The following SEMA6D variants were observed in gnomAD, a reference collection of about 807,000 sequenced individuals.
SEMA6D encodes semaphorin-6D.
Under a neutral mutation model 106.6 loss-of-function variants are expected in SEMA6D, and 35 were observed. That is an observed-to-expected ratio of 0.33 (90% CI 0.25 to 0.44). The LOEUF is 0.44. Ranked by LOEUF, SEMA6D falls within the 20% of genes least tolerant of loss-of-function variation. The pLI, the probability that SEMA6D is intolerant of heterozygous loss-of-function variation, is 1.00. For missense variants in SEMA6D, 1,185 were observed against 1,345.9 expected, an observed-to-expected ratio of 0.88 and a Z score of 1.87; for synonymous variants, 499 against 487.7, an observed-to-expected ratio of 1.02 and a Z score of -0.31.
intron 4 of SEMA6D, among the ~76,000 whole-genome samples, chr15:47,682,790 G>T (rs944963509): frequency 1.1e-4 from 16 of 152,114 alleles, no homozygotes; most frequent in African/African-American, 3.9e-4. Flanking sequence ...TTTTTGAAAT[G>T]AGTTCATTTG....
chr15:47,732,906 A>G (rs1490366622), intron 1 of SEMA6D, among the ~76,000 whole-genome samples: 1 of 152,208 alleles, frequency 6.6e-6, no homozygotes, highest in Non-Finnish European at 1.5e-5. Flanking sequence ...CTTCTTTTAA[A>G]TGAGAAATAA....
At chr15:47,360,230 T>A (rs933448754) in intron 1 of SEMA6D, 1 of 152,224 alleles carries the variant, frequency 6.6e-6, no homozygotes, top group Admixed American at 6.5e-5. Context: ...TATTCCAGAT[T>A]GCTTCTGACA....
chr15:47,679,423 T>A (rs1276274989), intron 4 of SEMA6D, among the ~76,000 whole-genome samples: 1 of 152,166 alleles, frequency 6.6e-6, no homozygotes, highest in African/African-American at 2.4e-5. Context: ...TAAAAAAAAG[T>A]ACTTCTTTGG....
At chr15:47,275,025 T>C (rs75416537) in intron 1 of SEMA6D, 1 of 152,292 alleles carries the variant, frequency 6.6e-6, no homozygotes, top group African/African-American at 2.4e-5. Flanking sequence ...AGATTACATA[T>C]GCTGGATGCA....
chr15:47,577,191 T>C (rs2076170356), intron 3 of SEMA6D, among the ~76,000 whole-genome samples: 1 of 152,254 alleles, frequency 6.6e-6, no homozygotes, highest in Non-Finnish European at 1.5e-5. Flanking sequence ...ATATGATATT[T>C]ACTTGCATAA....
chr15:47,285,040 C>T (rs181609805), intron 1 of SEMA6D, among the ~76,000 whole-genome samples: 1 of 152,270 alleles, frequency 6.6e-6, no homozygotes, highest in Admixed American at 6.5e-5. Flanking sequence ...TGCCTGTTGA[C>T]ATTACTTTTA....
At chr15:47,284,890 T>TG (rs975915159) in intron 1 of SEMA6D, among the ~76,000 whole-genome samples, 37 of 152,298 alleles carry the variant, frequency 2.4e-4, no homozygotes, top group African/African-American at 8.2e-4. Flanking sequence ...ATGCCTCACA[T>TG]GGGGCGCATC....
At chr15:47,347,296 T>G (rs2038085836) in intron 1 of SEMA6D, among the ~76,000 whole-genome samples, 1 of 152,200 alleles carries the variant, frequency 6.6e-6, no homozygotes, top group African/African-American at 2.4e-5. Context: ...AAAATCTAAA[T>G]TAAAATCCAA....
At chr15:47,198,627 A>G (rs1894519390) in intron 1 of SEMA6D, among the ~76,000 whole-genome samples, 2 of 152,152 alleles carry the variant, frequency 1.3e-5, no homozygotes, top group Non-Finnish European at 2.9e-5. Flanking sequence ...AGGGTGGTCC[A>G]AGCAGGGACC....
intron 1 of SEMA6D, among the ~76,000 whole-genome samples, chr15:47,251,907 ATT>A (rs994788645): frequency 6.3e-4 from 52 of 81,968 alleles, no homozygotes; most frequent in African/African-American, 2.3e-3. Context: ...TTCTAATTGG[ATT>A]TTTTTTTTTT....
intron 4 of SEMA6D, among the ~76,000 whole-genome samples, chr15:47,662,840 T>C (rs1271542216): frequency 7.0e-6 from 1 of 142,036 alleles, no homozygotes; most frequent in Admixed American, 7.3e-5. Context: ...GCAGTCATTA[T>C]TCATGCGTGT....
chr15:47,343,827 G>T (rs2037931248), intron 1 of SEMA6D, among the ~76,000 whole-genome samples: 2 of 152,148 alleles, frequency 1.3e-5, no homozygotes, highest in East Asian at 1.9e-4. Flanking sequence ...GAAAATTTTT[G>T]CAACCTACTC....
intron 3 of SEMA6D, among the ~76,000 whole-genome samples, chr15:47,535,102 A>C (rs946984915): frequency 5.3e-5 from 8 of 151,128 alleles, no homozygotes; most frequent in Non-Finnish European, 7.4e-5. Flanking sequence ...CACACACACA[A>C]AAAAACACAA....
intron 1 of SEMA6D, among the ~76,000 whole-genome samples, chr15:47,361,146 A>G (rs921824763): frequency 6.6e-6 from 1 of 152,068 alleles, no homozygotes; most frequent in Non-Finnish European, 1.5e-5. Context: ...CTTGCATCCT[A>G]GGAGCCCAGA....
chr15:47,529,378 A>T (rs374570978), intron 3 of SEMA6D, among the ~76,000 whole-genome samples: 1 of 152,166 alleles, frequency 6.6e-6, no homozygotes, highest in African/African-American at 2.4e-5. Context: ...GCATATAAGC[A>T]TATAAGTGGA....
chr15:47,186,795 C>G (rs908960505), intron 1 of SEMA6D, among the ~76,000 whole-genome samples: 1 of 152,142 alleles, frequency 6.6e-6, no homozygotes, highest in Non-Finnish European at 1.5e-5. Flanking sequence ...TAGCTAGTAG[C>G]TTGTTCATCT....
At chr15:47,187,132 G>A (rs1893632732) in intron 1 of SEMA6D, among the ~76,000 whole-genome samples, 1 of 152,184 alleles carries the variant, frequency 6.6e-6, no homozygotes, top group African/African-American at 2.4e-5. Flanking sequence ...AAGGAAGATG[G>A]AAAGGGGGCA....
In SEMA6D at chr15:47,648,848, G is replaced by T. The variant is rs540810410; in HGVS notation, c.-55+47952G>T. 1.3e-5 allele frequency among the ~76,000 whole-genome samples: 2 copies of T among 152,212 alleles called. 1 individual carries two copies. Among genetic ancestry groups the T allele is most frequent in the Middle Eastern group, 6.8e-3 (2 of 294 alleles). On this transcript the variant is annotated intron_variant, in intron 4 of 19. Transcript: ENST00000558014. ...TTTTGTGACCAGAAATATCCCACAG[G>T]AACTTAACTCTTGTTTATATCAATT... is the stretch of plus-strand genomic sequence containing the variant.
chr15:47,271,757 G>T (rs62014046), intron 1 of SEMA6D, among the ~76,000 whole-genome samples: 2,596 of 152,222 alleles, frequency 0.017, 48 homozygotes, highest in African/African-American at 0.02. Flanking sequence ...AATATAAAAG[G>T]TTGTATTAAA....
Sources: allele counts gnomAD v4.1 joint callset (sites outside exome capture counted in the v4.1 genomes callset), GRCh38; gene constraint gnomAD v4.1.1; transcripts MANE v1.5; gene names NCBI Gene and HGNC (gene_info 2026-07-23, HGNC 2026-07-21).